The following JARID2 variants were observed in gnomAD, a reference collection of about 807,000 sequenced individuals.
JARID2 encodes protein Jumonji.
A neutral mutation model predicts 125.6 loss-of-function variants in JARID2; 21 were observed. That is an observed-to-expected ratio of 0.17 (90% CI 0.12 to 0.24). The LOEUF is 0.24. JARID2 is among the 10% of genes least tolerant of loss of function. The pLI is 1.00. For synonymous variants in JARID2, 736 were observed against 661.6 expected (o/e 1.11, Z -1.73); for missense variants, 1,303 against 1,639.6 (o/e 0.79, Z 3.55).
intron 1 of JARID2, chr6:15,248,940 T>G: frequency 1.0e-6 from 1 of 985,592 alleles, no homozygotes; most frequent in Non-Finnish European, 1.2e-6. Flanking sequence ...TGCCTTCCGC[T>G]CCGGAGCGTC....
rs565295309 is a variant in JARID2, at chr6:15,479,703, G to A, written c.671-7604G>A. Among the ~76,000 whole-genome samples the A allele has an allele frequency of 9.2e-5, 14 of 152,318 alleles. No homozygotes were observed. The East Asian group carries it at 2.7e-3, about 29-fold the overall frequency. On this transcript the variant is annotated intron_variant, in intron 5 of 17. Coordinates refer to ENST00000341776, the MANE Select transcript of JARID2 (RefSeq NM_004973.4). ...TGATACTGGAGTTTCGGAGTACAGA[G>A]GCAGCATCCCAGGTTGACGTTTGTT...
At chr6:15,447,155 AC>A (rs1767708943) in intron 3 of JARID2, among the ~76,000 whole-genome samples, 1 of 151,482 alleles carries the variant, frequency 6.6e-6, no homozygotes, top group South Asian at 2.1e-4. Context: ...CTATTCCCTC[AC>A]CCCCACTGCG....
chr6:15,274,825 G>A (rs1426458456), intron 1 of JARID2, among the ~76,000 whole-genome samples: 1 of 152,104 alleles, frequency 6.6e-6, no homozygotes, highest in Non-Finnish European at 1.5e-5. Context: ...TCTAGTCCTT[G>A]TGCATATTAG....
In JARID2 at chr6:15,512,935, A is replaced by G; in HGVS notation, c.3156A>G (p.Ile1052Met). The G allele has an allele frequency of 1.2e-6, 2 of 1,613,942 alleles. No individual in the cohort carries two copies. Among genetic ancestry groups the G allele is most frequent in the Non-Finnish European group, 1.7e-6 (2 of 1,179,972 alleles). Residue 1052 changes from isoleucine to methionine, a missense_variant, in exon 15 of 18, where the codon ATA becomes ATG. Coordinates refer to ENST00000341776, the MANE Select transcript of JARID2 (RefSeq NM_004973.4). ...TTCAGGAAATGAAGCGTCGCCATAT[A>G]GCTAAGCCATTCTCCATGGAGAAGT... ...ETAKEMKRRH[I>M]AKPFSMEKLL...
chr6:15,460,166 T>A (rs1272355106), intron 4 of JARID2, among the ~76,000 whole-genome samples: 1 of 152,188 alleles, frequency 6.6e-6, no homozygotes, highest in Non-Finnish European at 1.5e-5. Context: ...TATCAGTTAA[T>A]AATGAAGAAA....
chr6:15,502,124 C>T (rs978206762), intron 8 of JARID2, among the ~76,000 whole-genome samples: 4 of 152,252 alleles, frequency 2.6e-5, no homozygotes, highest in African/African-American at 7.2e-5. Context: ...CAAACTGAAA[C>T]ATGCAGCGTT....
At chr6:15,490,939 A>C (rs2127724061) in intron 6 of JARID2, among the ~76,000 whole-genome samples, 1 of 152,354 alleles carries the variant, frequency 6.6e-6, no homozygotes, top group Non-Finnish European at 1.5e-5. Flanking sequence ...GAGTGTGAGA[A>C]GAAAATGATC....
chr6:15,302,285 G>T (rs1223652261), intron 1 of JARID2, among the ~76,000 whole-genome samples: 1 of 152,070 alleles, frequency 6.6e-6, no homozygotes, highest in Non-Finnish European at 1.5e-5. Flanking sequence ...GCGTGGTGGC[G>T]TGCGCCTGTA....
chr6:15,289,046 A>G (rs1449549462), intron 1 of JARID2, among the ~76,000 whole-genome samples: 4 of 152,158 alleles, frequency 2.6e-5, no homozygotes, highest in African/African-American at 9.7e-5. Context: ...ACCACTGGGG[A>G]CAGCACAGAC....
intron 1 of JARID2, among the ~76,000 whole-genome samples, chr6:15,344,871 T>A (rs1763195030): frequency 6.6e-6 from 1 of 152,200 alleles, no homozygotes; most frequent in Admixed American, 6.5e-5. Flanking sequence ...AAAAACGTTT[T>A]GAAGGCATTG....
chr6:15,422,558 G>T (rs762999491), intron 3 of JARID2, among the ~76,000 whole-genome samples: 1 of 152,086 alleles, frequency 6.6e-6, no homozygotes, highest in South Asian at 2.1e-4. Context: ...CGACATTCGT[G>T]GTCAGGTTCT....
At chr6:15,303,873 G>A (rs1218141257) in intron 1 of JARID2, among the ~76,000 whole-genome samples, 1 of 152,180 alleles carries the variant, frequency 6.6e-6, no homozygotes, top group Admixed American at 6.5e-5. Flanking sequence ...CTGGCTGCAA[G>A]TTTAATAATC....
intron 3 of JARID2, among the ~76,000 whole-genome samples, chr6:15,424,799 C>G (rs953656254): frequency 6.6e-6 from 1 of 152,104 alleles, no homozygotes; most frequent in Non-Finnish European, 1.5e-5. Context: ...GCGGAGGTTG[C>G]GGTGAGCTGA....
At position 15,353,938 on chromosome 6, in the gene JARID2, T is replaced by C. The variant is rs534595543; in HGVS notation, c.46-20179T>C. Among the ~76,000 whole-genome samples the C allele has an allele frequency of 9.8e-5, 15 of 152,322 alleles. No homozygotes were observed. In the South Asian group the frequency reaches 2.9e-3, roughly 29 times the overall value. On this transcript the variant is annotated intron_variant, in intron 1 of 17. Transcript: ENST00000341776. ...CAAATGGGGAAAAAAATCTGCCACT[T>C]ATGTTCCTAAAGCGTACAGTTTAAG...
intron 1 of JARID2, among the ~76,000 whole-genome samples, chr6:15,357,675 T>C (rs1333026452): frequency 6.6e-6 from 1 of 152,204 alleles, no homozygotes; most frequent in Non-Finnish European, 1.5e-5. Flanking sequence ...AATCAAAATA[T>C]AGAAAAATAA....
rs550969110 is a variant in JARID2, at chr6:15,375,431, T to A, written c.181+1179T>A. On this transcript the variant is annotated intron_variant, in intron 2 of 17. Transcript: ENST00000341776. ...AGTGGCTCAGTCATGTGTGCGTCTCTCAACAAATCTCAGCCAACATGTATG... is the reference window on the plus strand; with the variant it reads ...AGTGGCTCAGTCATGTGTGCGTCTCACAACAAATCTCAGCCAACATGTATG... Among the ~76,000 whole-genome samples, 4 of 152,332 alleles carry A rather than the reference T, an allele frequency of 2.6e-5. No homozygotes were observed. The South Asian group carries it at 6.2e-4, about 24-fold the overall frequency.
At chr6:15,443,150 G>A (rs1298450354) in intron 3 of JARID2, among the ~76,000 whole-genome samples, 2 of 152,042 alleles carry the variant, frequency 1.3e-5, no homozygotes, top group Non-Finnish European at 2.9e-5. Flanking sequence ...TTCCAAGGGA[G>A]TGAAGTGTCT....
At chr6:15,302,526 A>G (rs1026672407) in intron 1 of JARID2, among the ~76,000 whole-genome samples, 1 of 152,060 alleles carries the variant, frequency 6.6e-6, no homozygotes, top group Non-Finnish European at 1.5e-5. Flanking sequence ...TATGCTTTAT[A>G]TTGATTGTGG....
intron 2 of JARID2, among the ~76,000 whole-genome samples, chr6:15,397,091 T>C (rs2127549705): frequency 1.3e-5 from 2 of 152,372 alleles, no homozygotes; most frequent in Non-Finnish European, 2.9e-5. Flanking sequence ...TAATTCTGGT[T>C]GGTATAGTGC....
Sources: gnomAD v4.1 joint callset for allele counts (sites outside exome capture counted in the v4.1 genomes callset) on GRCh38, gnomAD v4.1.1 for gene constraint, MANE v1.5 for transcripts, NCBI Gene and HGNC (gene_info 2026-07-23, HGNC 2026-07-21) for gene names.